PRKD1: variants seen among roughly 807,000 people sequenced by gnomAD.
The protein encoded by PRKD1 is serine/threonine-protein kinase D1.
In PRKD1, 63 loss-of-function variants were observed where a neutral mutation model predicts 95.9. The observed-to-expected ratio is 0.66, with a 90% CI of 0.54 to 0.81. PRKD1 has a LOEUF of 0.81. Ranked by LOEUF, PRKD1 falls within the 30% of genes least tolerant of loss-of-function variation. The probability of loss-of-function intolerance (pLI) is 0.00; values close to 1 mark genes in which losing one functional copy is unlikely to be tolerated. For synonymous variants in PRKD1, 425 were observed against 423.1 expected, an observed-to-expected ratio of 1.00 and a Z score of -0.05; for missense variants, 1,048 against 1,165.3, an observed-to-expected ratio of 0.90 and a Z score of 1.47.
chr14:29,634,045 G>A (rs563604322), intron 8 of PRKD1, among the ~76,000 whole-genome samples: 1 of 152,318 alleles, frequency 6.6e-6, no homozygotes, highest in East Asian at 1.9e-4. Context: ...CGAAGTATAA[G>A]ATAGTTATCA....
chr14:29,637,766 T>C (rs540999647), intron 6 of PRKD1, among the ~76,000 whole-genome samples: 31 of 152,340 alleles, frequency 2.0e-4, no homozygotes, highest in African/African-American at 5.5e-4. Flanking sequence ...AGAGCAAAGA[T>C]AGTCATTCTT....
intron 2 of PRKD1, among the ~76,000 whole-genome samples, chr14:29,702,206 T>C (rs1884876400): frequency 6.6e-6 from 1 of 152,162 alleles, no homozygotes; most frequent in African/African-American, 2.4e-5. Context: ...TGATTTATGG[T>C]TTATTATCAA....
intron 1 of PRKD1, among the ~76,000 whole-genome samples, chr14:29,745,350 C>T (rs1887165669): frequency 6.6e-6 from 1 of 152,164 alleles, no homozygotes; most frequent in African/African-American, 2.4e-5. Flanking sequence ...TCCCAAGAGA[C>T]TACAACAGTG....
chr14:29,831,277 G>C (rs1891400891), intron 1 of PRKD1, among the ~76,000 whole-genome samples: 1 of 152,012 alleles, frequency 6.6e-6, no homozygotes, highest in African/African-American at 2.4e-5. Context: ...AGCTACAAAA[G>C]CTTATAAGAT....
chr14:29,669,983 A>G (rs1289292575), intron 2 of PRKD1, among the ~76,000 whole-genome samples: 1 of 152,238 alleles, frequency 6.6e-6, no homozygotes, highest in African/African-American at 2.4e-5. Context: ...CAATCAGTTT[A>G]TTGCATTTGT....
intron 1 of PRKD1, among the ~76,000 whole-genome samples, chr14:29,824,537 C>G (rs1272457733): frequency 6.6e-6 from 1 of 152,114 alleles, no homozygotes; most frequent in African/African-American, 2.4e-5. Flanking sequence ...ACATCATTTT[C>G]TATTCAGGGC....
At chr14:29,708,098 T>C (rs67716491) in intron 2 of PRKD1, among the ~76,000 whole-genome samples, 10,265 of 152,122 alleles carry the variant, frequency 0.067, 873 homozygotes, top group African/African-American at 0.2. Context: ...GTGTTTATCA[T>C]TCCTACCTAA....
chr14:29,593,183 A>G (rs770344649), intron 16 of PRKD1, among the ~76,000 whole-genome samples: 2 of 152,224 alleles, frequency 1.3e-5, no homozygotes, highest in Non-Finnish European at 2.9e-5. Context: ...CAGGGCAAAT[A>G]CTGTAAAAGT....
chr14:29,873,951 A>G (rs1893200299), intron 1 of PRKD1, among the ~76,000 whole-genome samples: 1 of 152,198 alleles, frequency 6.6e-6, no homozygotes, highest in Non-Finnish European at 1.5e-5. Flanking sequence ...ACTATATAAA[A>G]TGAAAAACTC....
intron 2 of PRKD1, among the ~76,000 whole-genome samples, chr14:29,709,498 T>C (rs1477683364): frequency 6.6e-6 from 1 of 152,056 alleles, no homozygotes; most frequent in Admixed American, 6.6e-5. Flanking sequence ...ATATTAGGAT[T>C]CTCCAGAGAA....
At chr14:29,687,375 G>A (rs955404504) in intron 2 of PRKD1, among the ~76,000 whole-genome samples, 5 of 152,182 alleles carry the variant, frequency 3.3e-5, no homozygotes, top group African/African-American at 9.7e-5. Flanking sequence ...GGAGTGGAGA[G>A]AAGAGAAAAG....
At chr14:29,625,302 C>T (rs1879545147) in intron 12 of PRKD1, among the ~76,000 whole-genome samples, 1 of 152,192 alleles carries the variant, frequency 6.6e-6, no homozygotes, top group Non-Finnish European at 1.5e-5. Context: ...TTCATCTCTA[C>T]TCCTCCGTCA....
chr14:29,703,225 A>G (rs570880339), intron 2 of PRKD1, among the ~76,000 whole-genome samples: 1 of 152,302 alleles, frequency 6.6e-6, no homozygotes, highest in South Asian at 2.1e-4. Flanking sequence ...CAGTGGTAAC[A>G]TCTCTAACTA....
chr14:29,760,419 G>T (rs938047584), intron 1 of PRKD1, among the ~76,000 whole-genome samples: 1 of 145,162 alleles, frequency 6.9e-6, no homozygotes, highest in Admixed American at 7.2e-5. Context: ...GCAGTGGCAC[G>T]ATCTGGGCTC....
intron 1 of PRKD1, among the ~76,000 whole-genome samples, chr14:29,777,573 C>A (rs1888826007): frequency 1.3e-5 from 2 of 152,274 alleles, no homozygotes; most frequent in South Asian, 4.1e-4. Context: ...GTAAAGGGAT[C>A]AATTCAACAA....
At chr14:29,732,774 C>G (rs1188493078) in intron 1 of PRKD1, among the ~76,000 whole-genome samples, 1 of 152,050 alleles carries the variant, frequency 6.6e-6, no homozygotes, top group Non-Finnish European at 1.5e-5. Flanking sequence ...ATTCCCTTGT[C>G]TCCTGCTTTG....
At chr14:29,801,063 C>T (rs1228998044) in intron 1 of PRKD1, among the ~76,000 whole-genome samples, 1 of 151,774 alleles carries the variant, frequency 6.6e-6, no homozygotes, top group African/African-American at 2.4e-5. Context: ...GAAAGGGGAC[C>T]CAAGTGTGTG....
At chr14:29,818,389 C>T (rs1037483534) in intron 1 of PRKD1, among the ~76,000 whole-genome samples, 16 of 152,082 alleles carry the variant, frequency 1.1e-4, no homozygotes. Flanking sequence ...TAAATATTTG[C>T]TATCTATTAA....
intron 4 of PRKD1, among the ~76,000 whole-genome samples, chr14:29,651,792 AGAGT>A: frequency 6.6e-6 from 1 of 151,880 alleles, no homozygotes; most frequent in Non-Finnish European, 1.5e-5. Context: ...TGTGCAGTCT[AGAGT>A]GCAATGGCTG....
Sources: allele counts gnomAD v4.1 joint callset (sites outside exome capture counted in the v4.1 genomes callset), GRCh38; gene constraint gnomAD v4.1.1; transcripts MANE v1.5; gene names NCBI Gene and HGNC (gene_info 2026-07-23, HGNC 2026-07-21).